The following LRRC8A variants were observed in gnomAD, a reference collection of about 807,000 sequenced individuals.
The protein encoded by LRRC8A is leucine rich repeat containing 8 VRAC subunit A.
LRRC8A carries 24 observed loss-of-function variants against 52.5 expected under a neutral mutation model. The ratio of observed to expected loss-of-function variants is 0.46; its 90% CI spans 0.33 to 0.64. The LOEUF (loss-of-function observed/expected upper bound fraction) is 0.64, where lower values mean the gene tolerates loss of function less well. Among genes scored for constraint, LRRC8A ranks in the 30% least tolerant of loss-of-function variants. The probability of loss-of-function intolerance (pLI) is 0.02; values close to 1 mark genes in which losing one functional copy is unlikely to be tolerated. For synonymous variants in LRRC8A, 492 were observed against 494.2 expected, an observed-to-expected ratio of 1.00 and a Z score of 0.06; for missense variants, 677 against 1,094.7, an observed-to-expected ratio of 0.62 and a Z score of 5.38.
At position 128,892,398 on chromosome 9, in the gene LRRC8A, C is replaced by G. The variant is rs1384679752; in HGVS notation, c.-9+6277C>G. Among the ~76,000 whole-genome samples the G allele has an allele frequency of 6.6e-6, 1 of 152,164 alleles. No individual in the cohort carries two copies. Among genetic ancestry groups the G allele is most frequent in the Non-Finnish European group, 1.5e-5 (1 of 68,028 alleles). On this transcript the variant is annotated intron_variant, in intron 2 of 3. Transcript: ENST00000372600. This position sits in a 1 kb window ranked among gnomAD's most constrained non-coding sequence, Gnocchi z 5.2. Reference sequence around the variant, plus strand: ...CTTTCACCCTAGAAGGCGGGCCACGCCCTTGCAAGTTGGTGTGAGGATGAA... The same window carrying G: ...CTTTCACCCTAGAAGGCGGGCCACGGCCTTGCAAGTTGGTGTGAGGATGAA...
intron 2 of LRRC8A, among the ~76,000 whole-genome samples, chr9:128,900,901 G>A (rs919175721): frequency 3.3e-5 from 5 of 151,952 alleles, no homozygotes; most frequent in African/African-American, 4.8e-5. Context: ...GAGGCCCAGC[G>A]CAGTGGCTCA....
chr9:128,907,191 C>T lies in LRRC8A; in HGVS notation c.27C>T (p.Tyr9=). The T allele has an allele frequency of 6.2e-7, 1 of 1,611,168 alleles. No individual in the cohort carries two copies. The highest frequency in any genetic ancestry group is 8.5e-7 in the Non-Finnish European group (1 of 1,177,614). MIPVTELR[Y]FADTQPAYRI... Reference sequence around the variant, plus strand: ...TGATTCCGGTGACAGAGCTCCGCTACTTTGCGGACACGCAGCCAGCATACC... The same window carrying T: ...TGATTCCGGTGACAGAGCTCCGCTATTTTGCGGACACGCAGCCAGCATACC... The change falls in exon 3 of 4, where the codon TAC becomes TAT. Residue 9 remains tyrosine (Y), a synonymous_variant. Coordinates refer to ENST00000372600, the MANE Select transcript of LRRC8A (RefSeq NM_019594.4). This position sits in a 1 kb window ranked among gnomAD's most constrained non-coding sequence, Gnocchi z 9.3.
rs544621376 is a variant in LRRC8A at position 128,899,058 on chromosome 9, G to C, written c.-8-8099G>C. Among the ~76,000 whole-genome samples, 114 of 152,308 alleles carry C rather than the reference G, an allele frequency of 7.5e-4. No individual in the cohort carries two copies. Among genetic ancestry groups the C allele is most frequent in the African/African-American group, 2.5e-3 (103 of 41,568 alleles). On this transcript the variant is annotated intron_variant, in intron 2 of 3. Transcript: ENST00000372600. The surrounding 1 kb of genome is among the most constrained non-coding windows in gnomAD (Gnocchi z 4.0). The stretch of plus-strand genomic sequence containing the variant: ...CAGTCACAGCCCAGCAGTCTGACGC[G>C]GGGGTGGGCAGCTGAGGGGGAAGGA...
At chr9:128,901,330 G>A (rs1190995605) in intron 2 of LRRC8A, among the ~76,000 whole-genome samples, 1 of 152,110 alleles carries the variant, frequency 6.6e-6, no homozygotes, top group African/African-American at 2.4e-5. Flanking sequence ...GGCCGTGGTG[G>A]TGGCGCGCCT....
rs1339488232 is a variant in LRRC8A at position 128,909,328 on chromosome 9, G to A, written c.2157+7G>A. 1 of 1,611,082 alleles carries A rather than the reference G, an allele frequency of 6.2e-7. No homozygotes were observed. The highest frequency in any genetic ancestry group is 8.5e-7 in the Non-Finnish European group (1 of 1,179,362). ...AGCCATCACGGCCAACCGGGTGAGT[G>A]GCCCGGCCACAGCTCTGCGTGTGGG... On this transcript the variant is annotated splice_region_variant and intron_variant, in intron 3 of 3. Coordinates refer to ENST00000372600, the MANE Select transcript of LRRC8A (RefSeq NM_019594.4).
chr9:128,913,093 G>A (rs966899111), intron 3 of LRRC8A, among the ~76,000 whole-genome samples: 19 of 152,194 alleles, frequency 1.2e-4, no homozygotes, highest in African/African-American at 4.3e-4. Flanking sequence ...GCTCACTGTG[G>A]AGAGCAGAGA....
rs559968313 is a variant in LRRC8A, at chr9:128,911,736, G to A, written c.2157+2415G>A. ...CAGGAAAGGAGCTGGCGGCAAGCAC[G>A]CTGTCCCAGAGGAAGGAGACCCTCT... On this transcript the variant is annotated intron_variant, in intron 3 of 3. Transcript: ENST00000372600. The surrounding 1 kb of genome is among the most constrained non-coding windows in gnomAD (Gnocchi z 4.9). Among the ~76,000 whole-genome samples the A allele has an allele frequency of 2.0e-4, 31 of 152,284 alleles. No individual in the cohort carries two copies. Among genetic ancestry groups the A allele is most frequent in the Admixed American group, 8.5e-4 (13 of 15,296 alleles).
chr9:128,894,148 T>G (rs897744794), intron 2 of LRRC8A, among the ~76,000 whole-genome samples: 1 of 151,914 alleles, frequency 6.6e-6, no homozygotes, highest in Admixed American at 6.6e-5. Context: ...CCCAAAGTGC[T>G]AGGATTACAG....
rs1039840462 is a variant in LRRC8A, at chr9:128,907,021, A to G, written c.-8-136A>G. The G allele has an allele frequency of 3.8e-6, 3 of 782,890 alleles. No homozygotes were observed. The highest frequency in any genetic ancestry group is 3.5e-5 in the African/African-American group (2 of 57,764). The allele number at this position is 782,890 out of a possible 1,614,324, so 48.5% of individuals were successfully genotyped here. A position where few individuals can be genotyped will look rare whatever the true frequency, so the allele number is the denominator to read the frequency against. ...AAGTGGGCTGCCCCGTGGAGTAGGC[A>G]GGCTTTGGCTCCCAGCTAGATTTGA... On this transcript the variant is annotated intron_variant, in intron 2 of 3. Coordinates refer to ENST00000372600, the MANE Select transcript of LRRC8A (RefSeq NM_019594.4). The surrounding 1 kb of genome is among the most constrained non-coding windows in gnomAD (Gnocchi z 9.3).
At position 128,916,425 on chromosome 9, in the gene LRRC8A, C is replaced by T. The variant is rs1007863938; in HGVS notation, c.*54C>T. ...AGGACCGCTGCCCAGTCCTCAGGCCCGGAGGGGCAGGCCTAGCTTCTCCCA... is the reference window on the plus strand; with the variant it reads ...AGGACCGCTGCCCAGTCCTCAGGCCTGGAGGGGCAGGCCTAGCTTCTCCCA... On this transcript the variant is annotated 3_prime_UTR_variant, in exon 4 of 4. Coordinates refer to ENST00000372600, the MANE Select transcript of LRRC8A (RefSeq NM_019594.4). This position sits in a 1 kb window ranked among gnomAD's most constrained non-coding sequence, Gnocchi z 6.1. 23 of 1,552,794 alleles carry T rather than the reference C, an allele frequency of 1.5e-5. No homozygotes were observed. Among genetic ancestry groups the T allele is most frequent in the Admixed American group, 1.8e-5 (1 of 55,222 alleles).
chr9:128,907,385 C>T lies in LRRC8A; in HGVS notation c.221C>T (p.Ala74Val), dbSNP rs1157861073. 2 of 1,613,454 alleles carry T rather than the reference C, an allele frequency of 1.2e-6. No individual in the cohort carries two copies. Among genetic ancestry groups the T allele is most frequent in the African/African-American group, 1.3e-5 (1 of 75,052 alleles). The change falls in exon 3 of 4, where the codon GCC becomes GTC. Residue 74 changes from alanine to valine, a missense_variant. Coordinates refer to ENST00000372600, the MANE Select transcript of LRRC8A (RefSeq NM_019594.4). The surrounding 1 kb of genome is among the most constrained non-coding windows in gnomAD (Gnocchi z 9.3). ...SCNDSFRGWA[A>V]PGPEPTYPNS... ...AATGATTCGTTCCGGGGCTGGGCAG[C>T]CCCTGGCCCGGAGCCCACCTACCCC...
intron 3 of LRRC8A, among the ~76,000 whole-genome samples, chr9:128,910,453 G>T (rs1840463771): frequency 6.6e-6 from 1 of 152,202 alleles, no homozygotes; most frequent in Admixed American, 6.5e-5. Flanking sequence ...AGCACTTAGG[G>T]AAGCCAAGGT....
chr9:128,904,399 A>G (rs1382017058), intron 2 of LRRC8A, among the ~76,000 whole-genome samples: 1 of 144,188 alleles, frequency 6.9e-6, no homozygotes, highest in Non-Finnish European at 1.6e-5. Context: ...TGTGCCTGTA[A>G]TCCAGCTGCT....
intron 2 of LRRC8A, among the ~76,000 whole-genome samples, chr9:128,906,350 T>C (rs560522697): frequency 2.5e-3 from 344 of 136,400 alleles, no homozygotes; most frequent in African/African-American, 9.2e-3. Context: ...GAGTTGGAGT[T>C]TCACTCTTGT....
At chr9:128,915,603 G>A (rs143484651) in intron 3 of LRRC8A, among the ~76,000 whole-genome samples, 1,912 of 152,350 alleles carry the variant, frequency 0.013, 28 homozygotes, top group African/African-American at 0.041. Context: ...GGGATTACAG[G>A]CGTGAGCCAC....
rs564612706 is a variant in LRRC8A at position 128,886,643 on chromosome 9, A to G, written c.-9+522A>G. Among the ~76,000 whole-genome samples the G allele has an allele frequency of 3.9e-5, 6 of 152,288 alleles. No individual in the cohort carries two copies. The East Asian group carries it at 1.2e-3, about 29-fold the overall frequency. The stretch of plus-strand genomic sequence containing the variant: ...TTTGATCGTGTAGACATCTTTGGGG[A>G]CTGGGATTCCTTGGCCTGTGCTTTG... On this transcript the variant is annotated intron_variant, in intron 2 of 3. Coordinates refer to ENST00000372600, the MANE Select transcript of LRRC8A (RefSeq NM_019594.4).
At chr9:128,915,439 C>T (rs1015616543) in intron 3 of LRRC8A, among the ~76,000 whole-genome samples, 114 of 152,202 alleles carry the variant, frequency 7.5e-4, no homozygotes, top group Non-Finnish European at 7.1e-4. Context: ...ATTCTCCTGC[C>T]TCAGCCTCCC....
chr9:128,898,515 C>T (rs1231594112), intron 2 of LRRC8A, among the ~76,000 whole-genome samples: 1 of 152,264 alleles, frequency 6.6e-6, no homozygotes, highest in Non-Finnish European at 1.5e-5. Context: ...CACCAGGTGT[C>T]TCCTGAAGTC....
At chr9:128,909,963 C>A (rs1246914692) in intron 3 of LRRC8A, among the ~76,000 whole-genome samples, 1 of 152,196 alleles carries the variant, frequency 6.6e-6, no homozygotes, top group Non-Finnish European at 1.5e-5. Context: ...TTGTGCAAAT[C>A]ATTGTCACTG....
Sources: allele counts gnomAD v4.1 joint callset (sites outside exome capture counted in the v4.1 genomes callset), GRCh38; gene constraint gnomAD v4.1.1; non-coding constraint Gnocchi (gnomAD v3.1); transcripts MANE v1.5; gene names NCBI Gene and HGNC (gene_info 2026-07-23, HGNC 2026-07-21).